Variants in ARFGAP2 observed in about 807,000 individuals in gnomAD.
The protein encoded by ARFGAP2 is ARF GTPase activating protein 2, also known as ADP-ribosylation factor GTPase-activating protein 2.
ARFGAP2 carries 45 observed loss-of-function variants against 71.9 expected under a neutral mutation model. That is an observed-to-expected ratio of 0.63 (90% CI 0.49 to 0.80). The LOEUF (loss-of-function observed/expected upper bound fraction) is 0.80, where lower values mean the gene tolerates loss of function less well. Ranked by LOEUF, ARFGAP2 falls within the 30% of genes least tolerant of loss-of-function variation. The pLI, the probability that ARFGAP2 is intolerant of heterozygous loss-of-function variation, is 0.00. For synonymous variants in ARFGAP2, 248 were observed against 249.2 expected (o/e 1.00, Z 0.05); for missense variants, 633 against 673.9 (o/e 0.94, Z 0.67).
chr11:47,172,018 A>G, intron 8 of ARFGAP2: 1 of 753,980 alleles, frequency 1.3e-6, no homozygotes, highest in African/African-American at 1.8e-5. Flanking sequence ...TGAGGACGGC[A>G]GTTAATGCTG....
At chr11:47,166,241 C>G in intron 15 of ARFGAP2, 27 bp downstream of exon 15, 17 of 1,606,404 alleles carry the variant, frequency 1.1e-5, no homozygotes, top group Non-Finnish European at 1.3e-5. Flanking sequence ...TCCCAGCACT[C>G]CTCATTAGGC....
At chr11:47,172,762 AAC>A (rs1379128856) in intron 7 of ARFGAP2, 1 of 1,292,426 alleles carries the variant, frequency 7.7e-7, no homozygotes, top group South Asian at 1.2e-5. Flanking sequence ...CTGGAGGAGA[AAC>A]AGACTTGTGG....
intron 10 of ARFGAP2, among the ~76,000 whole-genome samples, chr11:47,169,761 G>A (rs1390123114): frequency 6.6e-6 from 1 of 152,150 alleles, no homozygotes; most frequent in Non-Finnish European, 1.5e-5. Context: ...CGGAGGCGGA[G>A]GTTGTGGTGA....
At chr11:47,172,170 C>A (rs909569442) in intron 8 of ARFGAP2, 111 bp downstream of exon 8, 2 of 1,112,216 alleles carry the variant, frequency 1.8e-6, no homozygotes, top group African/African-American at 1.6e-5. Context: ...CGGAGAAACA[C>A]AGTACCTTTG....
intron 10 of ARFGAP2, among the ~76,000 whole-genome samples, chr11:47,170,341 A>G (rs1249353831): frequency 1.3e-5 from 2 of 150,228 alleles, no homozygotes; most frequent in Non-Finnish European, 3.0e-5. Context: ...AAAAAAAAAA[A>G]AAGAAAAGAA....
At chr11:47,175,758 G>T in intron 3 of ARFGAP2, 93 bp downstream of exon 3, 2 of 1,451,638 alleles carry the variant, frequency 1.4e-6, no homozygotes, top group Non-Finnish European at 1.9e-6. Context: ...AGAACCCTCT[G>T]AACAGGGAAA....
chr11:47,169,507 T>C (rs1307847363), intron 10 of ARFGAP2: 2 of 152,016 alleles, frequency 1.3e-5, no homozygotes, highest in African/African-American at 4.8e-5. Flanking sequence ...ATCAATTCAT[T>C]AAAAAATATC....
At chr11:47,170,344 G>T (rs901124026) in intron 10 of ARFGAP2, among the ~76,000 whole-genome samples, 2 of 119,960 alleles carry the variant, frequency 1.7e-5, no homozygotes, top group Admixed American at 8.5e-5. Flanking sequence ...AAAAAAAAAA[G>T]AAAAGAAAAG....
Position 47,164,515 on chromosome 11 carries a change from CAG to C in ARFGAP2, c.*965_*966del. 1 of 289,918 alleles carries C rather than the reference CAG, an allele frequency of 3.4e-6. No homozygotes were observed. The highest frequency in any genetic ancestry group is 5.0e-5 in the South Asian group (1 of 19,874). The allele number at this position is 289,918 out of a possible 1,614,324, so 18.0% of individuals were successfully genotyped here. A position where few individuals can be genotyped will look rare whatever the true frequency, so the allele number is the denominator to read the frequency against. On this transcript the variant is annotated 3_prime_UTR_variant, in exon 16 of 16. Transcript: ENST00000524782. The stretch of plus-strand genomic sequence containing the variant: ...CAGGGGAAGATGGCACCAAGAATGA[CAG>C]TGCTTGGCTCAGCTGCCAGAGGGTG...
At chr11:47,175,408 T>C (rs1422507241) in intron 3 of ARFGAP2, 95 bp from the exon 4 acceptor site, 5 of 1,569,044 alleles carry the variant, frequency 3.2e-6, no homozygotes, top group Non-Finnish European at 4.4e-6. Context: ...ACAGCGAAGT[T>C]ATTATCTATA....
At position 47,171,791 on chromosome 11, in the gene ARFGAP2, T is replaced by C; in HGVS notation, c.682A>G (p.Lys228Glu). Reference protein sequence around the residue: ...PAAAKKGLGAKKGLGAQKVSS... With the variant: ...PAAAKKGLGAEKGLGAQKVSS... ...ACCTTCTGGGCCCCTAGGCCTTTCT[T>C]GGCACCCAGCTGGGAACAGAATCAT... The change falls in exon 9 of 16, where the codon AAG becomes GAG. Residue 228 changes from lysine (K) to glutamate (E), a missense_variant. By Grantham distance (56) the Lys-to-Glu change is moderately conservative (BLOSUM62 1). Coordinates refer to ENST00000524782, the MANE Select transcript of ARFGAP2 (RefSeq NM_032389.6). 1 of 1,613,766 alleles carries C rather than the reference T, an allele frequency of 6.2e-7. No homozygotes were observed. The highest frequency in any genetic ancestry group is 8.5e-7 in the Non-Finnish European group (1 of 1,180,046).
intron 8 of ARFGAP2, 51 bp from the exon 9 acceptor site, chr11:47,171,851 C>T (rs1952613532): frequency 6.2e-7 from 1 of 1,603,908 alleles, no homozygotes; most frequent in Non-Finnish European, 8.5e-7. Flanking sequence ...CTCCTCAGAT[C>T]CCTCCCAGGT....
chr11:47,170,054 G>C lies in ARFGAP2; in HGVS notation c.941+1372C>G, dbSNP rs746704677. ...GCCCGTAATCCAAGCACTGGGCGCCGTGGCTCACACCGGTAATCCCAGTAC... is the reference window on the plus strand; with the variant it reads ...GCCCGTAATCCAAGCACTGGGCGCCCTGGCTCACACCGGTAATCCCAGTAC... On this transcript the variant is annotated intron_variant, in intron 10 of 15. Coordinates refer to ENST00000524782, the MANE Select transcript of ARFGAP2 (RefSeq NM_032389.6). 3.3e-5 allele frequency among the ~76,000 whole-genome samples: 5 copies of C among 152,272 alleles called. 1 individual carries two copies. In the East Asian group the frequency reaches 7.7e-4, roughly 24 times the overall value.
intron 2 of ARFGAP2, chr11:47,176,195 A>G: frequency 1.7e-6 from 1 of 590,966 alleles, no homozygotes; most frequent in Non-Finnish European, 3.0e-6. Context: ...GGATGGTCAC[A>G]GTCTCACTAG....
intron 7 of ARFGAP2, chr11:47,172,828 C>T (rs1271790182): frequency 2.4e-6 from 3 of 1,240,124 alleles, no homozygotes; most frequent in Admixed American, 2.3e-5. Flanking sequence ...CCAGCGGTCT[C>T]TATGAAGCCC....
At chr11:47,174,122 G>A (rs1045500607) in intron 5 of ARFGAP2, among the ~76,000 whole-genome samples, 5 of 152,138 alleles carry the variant, frequency 3.3e-5, no homozygotes, top group African/African-American at 1.2e-4. Context: ...CAGATCTAAA[G>A]GCTCCTCATA....
chr11:47,172,594 T>G (rs1160121510), intron 7 of ARFGAP2: 3 of 1,264,724 alleles, frequency 2.4e-6, no homozygotes, highest in Non-Finnish European at 3.2e-6. Flanking sequence ...GACGTCCAAA[T>G]TCCCTGAACC....
intron 14 of ARFGAP2, 21 bp downstream of exon 14, chr11:47,166,484 TG>T (rs1261357026): frequency 6.2e-7 from 1 of 1,612,816 alleles, no homozygotes; most frequent in Non-Finnish European, 8.5e-7. Context: ...ACTTGGTGCC[TG>T]CCACCCCACC....
At chr11:47,172,515 T>C (rs1392785943) in intron 7 of ARFGAP2, among the ~76,000 whole-genome samples, 182 bp from the exon 8 acceptor site, 1 of 152,080 alleles carries the variant, frequency 6.6e-6, no homozygotes, top group Non-Finnish European at 1.5e-5. Flanking sequence ...GGCTGGGGTA[T>C]TTACTGGCAC....
Sources: allele counts gnomAD v4.1 joint callset (sites outside exome capture counted in the v4.1 genomes callset), GRCh38; gene constraint gnomAD v4.1.1; transcripts MANE v1.5; gene names NCBI Gene and HGNC (gene_info 2026-07-23, HGNC 2026-07-21).